Variants in NDST4 observed in about 807,000 individuals in gnomAD.
NDST4 encodes N-deacetylase and N-sulfotransferase 4.
NDST4 carries 63 observed loss-of-function variants against 100.8 expected under a neutral mutation model. The ratio of observed to expected loss-of-function variants is 0.62; its 90% CI spans 0.51 to 0.77. The LOEUF (loss-of-function observed/expected upper bound fraction) is 0.77, where lower values mean the gene tolerates loss of function less well. Ranked by LOEUF, NDST4 falls within the 30% of genes least tolerant of loss-of-function variation. The pLI is 0.00. For synonymous variants in NDST4, 377 were observed against 361.8 expected (o/e 1.04, Z -0.48); for missense variants, 943 against 1,018.4 (o/e 0.93, Z 1.01).
At chr4:115,024,588 A>T (rs902872902) in intron 2 of NDST4, among the ~76,000 whole-genome samples, 2 of 152,078 alleles carry the variant, frequency 1.3e-5, no homozygotes, top group African/African-American at 4.8e-5. Flanking sequence ...GATTTTACAG[A>T]CTTAAAGCTG....
At chr4:114,841,016 AT>A (rs1200156151) in intron 10 of NDST4, among the ~76,000 whole-genome samples, 5 of 152,352 alleles carry the variant, frequency 3.3e-5, no homozygotes, top group Admixed American at 2.0e-4. Flanking sequence ...TGTAGAAATT[AT>A]ATAATTTCAA....
intron 10 of NDST4, among the ~76,000 whole-genome samples, chr4:114,844,413 T>C (rs1459474202): frequency 6.6e-6 from 1 of 152,208 alleles, no homozygotes; most frequent in Non-Finnish European, 1.5e-5. Context: ...GGTCTCTACC[T>C]AGGATTTTCC....
At chr4:114,879,654 T>G (rs1370043706) in intron 6 of NDST4, among the ~76,000 whole-genome samples, 3 of 152,172 alleles carry the variant, frequency 2.0e-5, no homozygotes, top group Admixed American at 2.0e-4. Flanking sequence ...GTAAAATACC[T>G]GGCACATAAT....
At chr4:114,909,779 T>C (rs1431123864) in intron 6 of NDST4, among the ~76,000 whole-genome samples, 1 of 152,074 alleles carries the variant, frequency 6.6e-6, no homozygotes, top group Non-Finnish European at 1.5e-5. Context: ...CAAACACTTA[T>C]TGGTTAATAA....
intron 2 of NDST4, among the ~76,000 whole-genome samples, chr4:114,986,557 C>G (rs72896727): frequency 0.029 from 4,440 of 151,920 alleles, 231 homozygotes; most frequent in African/African-American, 0.1. Context: ...GTCCTAATCT[C>G]TCTTTCAATT....
intron 3 of NDST4, among the ~76,000 whole-genome samples, chr4:114,974,768 T>C (rs1578424316): frequency 6.6e-6 from 1 of 152,216 alleles, no homozygotes; most frequent in East Asian, 1.9e-4. Context: ...GGTGAGATTG[T>C]TTTTAGCATG....
intron 2 of NDST4, among the ~76,000 whole-genome samples, chr4:115,037,546 G>A (rs1728259841): frequency 6.6e-6 from 1 of 152,030 alleles, no homozygotes; most frequent in Non-Finnish European, 1.5e-5. Flanking sequence ...TTATGTGCAT[G>A]TATGTAAATA....
chr4:115,041,591 G>T (rs1728352885), intron 2 of NDST4, among the ~76,000 whole-genome samples: 1 of 152,056 alleles, frequency 6.6e-6, no homozygotes, highest in South Asian at 2.1e-4. Flanking sequence ...GTGTATGGCT[G>T]AAATATGAAT....
intron 9 of NDST4, among the ~76,000 whole-genome samples, chr4:114,847,094 C>CATTGCAAACAGGTTCAT (rs1553948317): frequency 1.3e-5 from 2 of 148,900 alleles, no homozygotes; most frequent in African/African-American, 5.2e-5. Context: ...ATGTGTCTTT[C>CATTGCAAACAGGTTCAT]GGCCGGGCGC....
At chr4:114,994,749 T>C (rs889859823) in intron 2 of NDST4, among the ~76,000 whole-genome samples, 2 of 152,004 alleles carry the variant, frequency 1.3e-5, no homozygotes, top group African/African-American at 4.8e-5. Flanking sequence ...AAGAATACTT[T>C]GAGCTTGGAA....
At chr4:115,016,458 G>C (rs1490414698) in intron 2 of NDST4, among the ~76,000 whole-genome samples, 2 of 152,078 alleles carry the variant, frequency 1.3e-5, no homozygotes, top group Non-Finnish European at 2.9e-5. Context: ...ATAATTTTAT[G>C]TGTTGCTGAT....
chr4:115,087,284 A>T (rs900292959), intron 1 of NDST4, among the ~76,000 whole-genome samples: 1 of 151,994 alleles, frequency 6.6e-6, no homozygotes, highest in Non-Finnish European at 1.5e-5. Context: ...TCAATCATGG[A>T]TTTGCTCCTA....
At chr4:115,094,911 T>C (rs889585489) in intron 1 of NDST4, among the ~76,000 whole-genome samples, 3 of 152,116 alleles carry the variant, frequency 2.0e-5, no homozygotes, top group African/African-American at 4.8e-5. Flanking sequence ...TGTGAGACAA[T>C]ACATTCCTGT....
chr4:115,022,616 C>T (rs1727882723), intron 2 of NDST4, among the ~76,000 whole-genome samples: 1 of 151,082 alleles, frequency 6.6e-6, no homozygotes, highest in South Asian at 2.1e-4. Flanking sequence ...AGTGAAATAA[C>T]TCAGGAATGG....
chr4:115,032,034 A>C (rs1728127735), intron 2 of NDST4, among the ~76,000 whole-genome samples: 1 of 152,130 alleles, frequency 6.6e-6, no homozygotes, highest in Non-Finnish European at 1.5e-5. Flanking sequence ...AACTGGCAAT[A>C]TAAAATGAGA....
At chr4:115,066,416 C>A (rs913636824) in intron 2 of NDST4, among the ~76,000 whole-genome samples, 18 of 151,872 alleles carry the variant, frequency 1.2e-4, no homozygotes, top group African/African-American at 4.1e-4. Context: ...AAATGAAAAC[C>A]TAGATTACTT....
At chr4:115,045,623 T>C (rs1728448839) in intron 2 of NDST4, among the ~76,000 whole-genome samples, 1 of 152,170 alleles carries the variant, frequency 6.6e-6, no homozygotes, top group Non-Finnish European at 1.5e-5. Flanking sequence ...ACAGATCCCC[T>C]ACCATCCCTG....
rs1727125310 is a variant in NDST4 at position 114,994,834 on chromosome 4, C to A, written c.979-17560G>T. Reference sequence around the variant, plus strand: ...CTGTTAATTAATCAACAAGCCATCACTAACTATTTATGATTAACTAACCAG... The same window carrying A: ...CTGTTAATTAATCAACAAGCCATCAATAACTATTTATGATTAACTAACCAG... On this transcript the variant is annotated intron_variant, in intron 2 of 13. Coordinates refer to ENST00000264363, the MANE Select transcript of NDST4 (RefSeq NM_022569.3). Among the ~76,000 whole-genome samples the A allele has an allele frequency of 3.9e-5, 6 of 151,958 alleles. No homozygotes were observed. In the South Asian group the frequency reaches 1.0e-3, roughly 26 times the overall value.
At chr4:114,994,237 G>A (rs1411692096) in intron 2 of NDST4, among the ~76,000 whole-genome samples, 1 of 151,902 alleles carries the variant, frequency 6.6e-6, no homozygotes, top group Non-Finnish European at 1.5e-5. Context: ...GAATAAAGTT[G>A]TCTAAAAAAT....
Sources: allele counts gnomAD v4.1 joint callset (sites outside exome capture counted in the v4.1 genomes callset), GRCh38; gene constraint gnomAD v4.1.1; transcripts MANE v1.5; gene names NCBI Gene and HGNC (gene_info 2026-07-23, HGNC 2026-07-21).